TRPC6: variants seen among roughly 807,000 people sequenced by gnomAD.
TRPC6 encodes the protein transient receptor potential cation channel subfamily C member 6, also known as short transient receptor potential channel 6.
Under a neutral mutation model 90.7 loss-of-function variants are expected in TRPC6, and 55 were observed. The ratio of observed to expected loss-of-function variants is 0.61; its 90% confidence interval spans 0.49 to 0.76. The LOEUF is 0.76. TRPC6 is among the 30% of genes least tolerant of loss of function. The pLI is 0.00. For missense variants in TRPC6, 989 were observed against 1,122.7 expected (o/e 0.88, Z 1.70); for synonymous variants, 393 against 393.0 (o/e 1.00, Z 0.00).
chr11:101,583,341 G>T lies in TRPC6; in HGVS notation c.163C>A (p.Pro55Thr). Residue 55 changes from proline to threonine, a missense_variant, in exon 1 of 13, where the codon CCC (proline) becomes ACC (threonine). Transcript: ENST00000344327. The stretch of plus-strand genomic sequence containing the variant: ...CGCGTCGCCGGCACTCACAAGCAGG[G>T]GTAGTAGCCGTAGCAAGGCAGCGGG... Reference protein sequence around the residue: ...QAPLPCYGYYPCFRGSDNRLA... With the variant: ...QAPLPCYGYYTCFRGSDNRLA... 1 of 1,589,116 alleles carries T rather than the reference G, an allele frequency of 6.3e-7. No homozygotes were observed. The highest frequency in any genetic ancestry group is 2.3e-5 in the East Asian group (1 of 43,374).
chr11:101,492,569 C>T (rs960673740), intron 2 of TRPC6, among the ~76,000 whole-genome samples: 12 of 137,986 alleles, frequency 8.7e-5, no homozygotes, highest in East Asian at 6.0e-4. Flanking sequence ...GGCAACAAAG[C>T]GAGACCCTGT....
intron 2 of TRPC6, 133 bp from the exon 3 acceptor site, chr11:101,491,871 G>C (rs1859828951): frequency 7.2e-6 from 6 of 833,460 alleles, no homozygotes; most frequent in African/African-American, 2.7e-5. Flanking sequence ...GACGGAGCCT[G>C]GCTGTGTTGC....
Position 101,491,916 on chromosome 11 carries a change from C to T in TRPC6, c.946-178G>A, listed in dbSNP as rs567658646. Among the ~76,000 whole-genome samples the T allele has an allele frequency of 5.0e-4, 69 of 138,080 alleles. 1 individual carries two copies. Among genetic ancestry groups the T allele is most frequent in the Non-Finnish European group, 8.5e-4 (56 of 66,222 alleles). The allele number at this position is 138,080 out of a possible 152,430, so 90.6% of individuals were successfully genotyped here. On this transcript the variant is annotated intron_variant, in intron 2 of 12. Coordinates refer to ENST00000344327, the MANE Select transcript of TRPC6 (RefSeq NM_004621.6). ...AGTGCAGTGGCACAATCTTGGCTCA[C>T]TGCAAGATCCGCCTCCTGGGTTCAC...
At chr11:101,482,589 T>C (rs2136690061) in intron 5 of TRPC6, among the ~76,000 whole-genome samples, 1 of 152,334 alleles carries the variant, frequency 6.6e-6, no homozygotes, top group Non-Finnish European at 1.5e-5. Context: ...TTAGCTTCAA[T>C]TCCTATCAAA....
intron 6 of TRPC6, among the ~76,000 whole-genome samples, chr11:101,474,669 T>A (rs1238566558): frequency 6.6e-6 from 1 of 152,174 alleles, no homozygotes; most frequent in Non-Finnish European, 1.5e-5. Context: ...ATAATAATAA[T>A]GGAGGCCTTA....
In TRPC6 at chr11:101,564,833, A is replaced by G. The variant is rs1003822160; in HGVS notation, c.170+18501T>C. 2.6e-5 allele frequency among the ~76,000 whole-genome samples: 4 copies of G among 152,244 alleles called. No homozygotes were observed. In the South Asian group the frequency reaches 8.3e-4, roughly 32 times the overall value. On this transcript the variant is annotated intron_variant, in intron 1 of 12. Transcript: ENST00000344327. ...ATTTCAAATTATATTTGAAAGTTAT[A>G]GTAATCAAAACAATATGGTACTGAT...
At chr11:101,488,858 T>A in intron 4 of TRPC6, 79 bp downstream of exon 4, 1 of 1,539,610 alleles carries the variant, frequency 6.5e-7, no homozygotes, top group South Asian at 1.1e-5. Context: ...CCCTGAAATT[T>A]TCACTTTGGA....
intron 1 of TRPC6, among the ~76,000 whole-genome samples, chr11:101,518,670 C>T (rs1860578198): frequency 6.6e-6 from 1 of 152,154 alleles, no homozygotes; most frequent in African/African-American, 2.4e-5. Flanking sequence ...CCATATGATC[C>T]AGCAATCCCA....
rs1419190230 is a variant in TRPC6 at position 101,453,522 on chromosome 11, T to A, written c.2644+128A>T. 14 of 929,968 alleles carry A rather than the reference T, an allele frequency of 1.5e-5. No homozygotes were observed. The African/African-American group carries it at 1.8e-4, about 12-fold the overall frequency. The allele number at this position is 929,968 out of a possible 1,614,324, so 57.6% of individuals were successfully genotyped here. A position where few individuals can be genotyped will look rare whatever the true frequency, so the allele number is the denominator to read the frequency against. Reference sequence around the variant, plus strand: ...TTTAACAGAACGGCGGTTGGTGAGATCCTGTTCTACTTTTCCCCTTGAAGT... The same window carrying A: ...TTTAACAGAACGGCGGTTGGTGAGAACCTGTTCTACTTTTCCCCTTGAAGT... On this transcript the variant is annotated intron_variant, in intron 12 of 12. Transcript: ENST00000344327.
intron 2 of TRPC6, 35 bp downstream of exon 2, chr11:101,503,989 T>C: frequency 6.2e-7 from 1 of 1,613,684 alleles, no homozygotes; most frequent in Non-Finnish European, 8.5e-7. Flanking sequence ...GACTCTGGCT[T>C]GTGGAGGGTG....
chr11:101,466,245 A>T (rs553323447), intron 10 of TRPC6, among the ~76,000 whole-genome samples: 1 of 152,322 alleles, frequency 6.6e-6, no homozygotes, highest in Non-Finnish European at 1.5e-5. Context: ...GTGCTGGTAG[A>T]TCCGCTGCTC....
intron 1 of TRPC6, among the ~76,000 whole-genome samples, chr11:101,534,458 T>C (rs1344584092): frequency 6.6e-6 from 1 of 152,050 alleles, no homozygotes; most frequent in Non-Finnish European, 1.5e-5. Context: ...TTATACAATC[T>C]GTACTACTAC....
At chr11:101,536,449 CAG>C (rs933580391) in intron 1 of TRPC6, among the ~76,000 whole-genome samples, 5 of 147,254 alleles carry the variant, frequency 3.4e-5, no homozygotes, top group African/African-American at 1.2e-4. Flanking sequence ...TGCAAGTGCT[CAG>C]AGTGTGGTAA....
intron 3 of TRPC6, 104 bp downstream of exon 3, chr11:101,491,452 A>T: frequency 6.8e-7 from 1 of 1,475,320 alleles, no homozygotes. Flanking sequence ...AAAAAGAGAA[A>T]AGAAAAGAAA....
At chr11:101,528,271 G>A (rs940083176) in intron 1 of TRPC6, among the ~76,000 whole-genome samples, 4 of 152,136 alleles carry the variant, frequency 2.6e-5, no homozygotes, top group East Asian at 1.9e-4. Flanking sequence ...TACTGACATG[G>A]AAAATTGTCT....
chr11:101,566,127 ATGAT>A (rs1861824094), intron 1 of TRPC6, among the ~76,000 whole-genome samples: 1 of 152,208 alleles, frequency 6.6e-6, no homozygotes, highest in East Asian at 1.9e-4. Context: ...TAATCTGAAA[ATGAT>A]TGACCTCATT....
intron 1 of TRPC6, among the ~76,000 whole-genome samples, chr11:101,558,685 G>A (rs929318990): frequency 6.6e-6 from 1 of 151,960 alleles, no homozygotes; most frequent in Non-Finnish European, 1.5e-5. Context: ...AATGTGCTGG[G>A]ATTACAGGCA....
At chr11:101,552,731 T>C (rs1045897978) in intron 1 of TRPC6, among the ~76,000 whole-genome samples, 1 of 152,134 alleles carries the variant, frequency 6.6e-6, no homozygotes, top group Non-Finnish European at 1.5e-5. Flanking sequence ...ATAGTTCCTC[T>C]ATAATTCCTA....
At chr11:101,518,404 A>C (rs988740329) in intron 1 of TRPC6, among the ~76,000 whole-genome samples, 5 of 152,232 alleles carry the variant, frequency 3.3e-5, no homozygotes, top group Non-Finnish European at 5.9e-5. Context: ...GAAATTTCTC[A>C]AAAGAAGACA....
Sources: gnomAD v4.1 joint callset for allele counts (sites outside exome capture counted in the v4.1 genomes callset) on GRCh38, gnomAD v4.1.1 for gene constraint, MANE v1.5 for transcripts, NCBI Gene and HGNC (gene_info 2026-07-23, HGNC 2026-07-21) for gene names.